Variants in PGCKA1 observed in about 807,000 individuals in gnomAD.
PGCKA1 encodes PDCD10 and GCKIII kinases associated 1.
the PGCKA1 span, among the ~76,000 whole-genome samples, chr4:37,497,757 G>A: frequency 5.9e-5 from 9 of 152,088 alleles, no homozygotes; most frequent in Admixed American, 1.3e-4. Context: ...ATTTGTTTGA[G>A]TTCACTGTAG....
the PGCKA1 span, among the ~76,000 whole-genome samples, chr4:37,551,549 G>C: frequency 1.3e-5 from 2 of 152,126 alleles, no homozygotes; most frequent in African/African-American, 4.8e-5. Flanking sequence ...ATTGGCTCTC[G>C]ACTACTTGCT....
At chr4:37,501,685 G>A in the PGCKA1 span, among the ~76,000 whole-genome samples, 14 of 152,292 alleles carry the variant, frequency 9.2e-5, no homozygotes, top group African/African-American at 2.9e-4. Context: ...TTGCTTGTCT[G>A]AAAAAGGTTT....
the PGCKA1 span, among the ~76,000 whole-genome samples, chr4:37,528,052 A>G: frequency 6.6e-6 from 1 of 152,186 alleles, no homozygotes; most frequent in Non-Finnish European, 1.5e-5. Flanking sequence ...CCGTACAAAC[A>G]TAAATACTGA....
chr4:37,488,232 T>G, the PGCKA1 span, among the ~76,000 whole-genome samples: 1 of 152,212 alleles, frequency 6.6e-6, no homozygotes, highest in Non-Finnish European at 1.5e-5. Context: ...ATGTATTTAT[T>G]TTCCATATGC....
the PGCKA1 span, among the ~76,000 whole-genome samples, chr4:37,572,963 T>C: frequency 6.6e-6 from 1 of 152,328 alleles, no homozygotes; most frequent in South Asian, 2.1e-4. Flanking sequence ...TTCTCTTTTT[T>C]TCTGCCTTCT....
chr4:37,562,498 G>A, the PGCKA1 span, among the ~76,000 whole-genome samples: 4 of 152,202 alleles, frequency 2.6e-5, no homozygotes, highest in African/African-American at 2.4e-5. Flanking sequence ...ACACTAGCAG[G>A]TATAGGTGAT....
chr4:37,523,752 A>C, the PGCKA1 span, among the ~76,000 whole-genome samples: 125 of 152,336 alleles, frequency 8.2e-4, no homozygotes, highest in South Asian at 9.9e-3. Flanking sequence ...TTAGACCACA[A>C]ATATTCATTT....
At chr4:37,465,780 C>CA in the PGCKA1 span, among the ~76,000 whole-genome samples, 3 of 152,128 alleles carry the variant, frequency 2.0e-5, no homozygotes. Context: ...GATTAGTAAG[C>CA]AGGAATAAAA....
At chr4:37,477,372 A>T in the PGCKA1 span, among the ~76,000 whole-genome samples, 1 of 152,288 alleles carries the variant, frequency 6.6e-6, no homozygotes, top group East Asian at 1.9e-4. Context: ...TAGATTGGTG[A>T]TTGCCTAAGG....
the PGCKA1 span, among the ~76,000 whole-genome samples, chr4:37,490,631 C>T: frequency 6.6e-5 from 10 of 152,142 alleles, no homozygotes; most frequent in African/African-American, 1.4e-4. Flanking sequence ...TGGTCTCTCC[C>T]GGCTTCTCCT....
At chr4:37,455,987 G>C in the PGCKA1 span, among the ~76,000 whole-genome samples, 1 of 152,192 alleles carries the variant, frequency 6.6e-6, no homozygotes, top group Admixed American at 6.5e-5. Context: ...TGGTAACCCT[G>C]AATCTTGGGA....
the PGCKA1 span, among the ~76,000 whole-genome samples, chr4:37,487,307 C>T: frequency 6.6e-6 from 1 of 152,202 alleles, no homozygotes; most frequent in Non-Finnish European, 1.5e-5. Flanking sequence ...CTGAAATCTA[C>T]AACTAAAATT....
the PGCKA1 span, among the ~76,000 whole-genome samples, chr4:37,505,531 C>A: frequency 6.6e-6 from 1 of 152,148 alleles, no homozygotes. Context: ...CAGGTTTAAT[C>A]AGGCTTACAG....
the PGCKA1 span, among the ~76,000 whole-genome samples, chr4:37,510,771 C>T: frequency 2.0e-5 from 3 of 151,980 alleles, no homozygotes; most frequent in African/African-American, 7.2e-5. Context: ...ACCAGTTGGG[C>T]TCATGTCCTT....
the PGCKA1 span, among the ~76,000 whole-genome samples, chr4:37,581,281 T>C: frequency 0.12 from 17,591 of 151,948 alleles, 2,754 homozygotes; most frequent in African/African-American, 0.35. This position sits in a 1 kb window ranked among gnomAD's most constrained non-coding sequence, Gnocchi z 4.4. Flanking sequence ...CCACTTTACT[T>C]TTCCCTCTGC....
chr4:37,511,292 C>T, the PGCKA1 span, among the ~76,000 whole-genome samples: 5 of 152,230 alleles, frequency 3.3e-5, no homozygotes, highest in South Asian at 1.0e-3. Flanking sequence ...AAAGCCACCA[C>T]TGCTAGGAAT....
the PGCKA1 span, among the ~76,000 whole-genome samples, chr4:37,582,111 C>T: frequency 6.6e-6 from 1 of 152,294 alleles, no homozygotes; most frequent in African/African-American, 2.4e-5. Flanking sequence ...CAGATGCTCT[C>T]TCCACGACAT....
chr4:37,481,571 A>G, the PGCKA1 span, among the ~76,000 whole-genome samples: 1 of 147,026 alleles, frequency 6.8e-6, no homozygotes, highest in South Asian at 2.2e-4. Context: ...GCAGATGGCC[A>G]CCCTTTTGCC....
the PGCKA1 span, among the ~76,000 whole-genome samples, chr4:37,497,799 G>A: frequency 6.6e-6 from 1 of 152,102 alleles, no homozygotes; most frequent in South Asian, 2.1e-4. Context: ...CAGATATATA[G>A]ATTGTGAAGA....
Sources: gnomAD v4.1 joint callset for allele counts (sites outside exome capture counted in the v4.1 genomes callset) on GRCh38, gnomAD v4.1.1 for gene constraint, Gnocchi (gnomAD v3.1) non-coding constraint, MANE v1.5 for transcripts, NCBI Gene and HGNC (gene_info 2026-07-23, HGNC 2026-07-21) for gene names.